Variants in PIDD1 observed in about 807,000 individuals in gnomAD.
The protein encoded by PIDD1 is p53-induced death domain protein 1.
In PIDD1, 72 loss-of-function variants were observed where a neutral mutation model predicts 80.0. The observed-to-expected ratio is 0.90, with a 90% confidence interval of 0.74 to 1.09. The LOEUF is 1.09. Among genes scored for constraint, PIDD1 ranks in the 50% least tolerant of loss-of-function variants. The probability of loss-of-function intolerance (pLI) is 0.00; values close to 1 mark genes in which losing one functional copy is unlikely to be tolerated. For missense variants in PIDD1, 1,329 were observed against 1,228.3 expected (o/e 1.08, Z -1.23); for synonymous variants, 655 against 543.5 (o/e 1.21, Z -2.85).
chr11:802,482 C>G (rs903047310), intron 5 of PIDD1, 61 bp downstream of exon 5: 2 of 1,601,336 alleles, frequency 1.2e-6, no homozygotes, highest in Admixed American at 3.3e-5. Flanking sequence ...GAGAAGGTGT[C>G]GGAGGGGCCA....
At chr11:808,235 T>C (rs1415404696), upstream of PIDD1, among the ~76,000 whole-genome samples, 1 of 151,848 alleles carries the variant, frequency 6.6e-6, no homozygotes. Flanking sequence ...GAGACCAGCC[T>C]GGCCAACATG....
At position 801,348 on chromosome 11, in the gene PIDD1, G is replaced by A. The variant is rs1383161477; in HGVS notation, c.1500C>T (p.Gly500=). 2.5e-6 allele frequency: 4 copies of A among 1,609,078 alleles called. No individual in the cohort carries two copies. The highest frequency in any genetic ancestry group is 2.2e-5 in the East Asian group (1 of 44,832). The stretch of plus-strand genomic sequence containing the variant: ...CTCCCAGGAGGGCCTGCAGCTCTCG[G>A]CCAGCCATGCGCACCACCTGGGGCA... The part of the protein sequence containing the change: ...RVSMQVVRMA[G]RELQALLGEP... Residue 500 remains glycine, a synonymous_variant, in exon 9 of 16, where the codon GGC becomes GGT. Coordinates refer to ENST00000347755, the MANE Select transcript of PIDD1 (RefSeq NM_145886.4).
Position 802,191 on chromosome 11 carries a change from A to G in PIDD1, c.1176+4T>C, listed in dbSNP as rs766732950. The G allele has an allele frequency of 5.6e-6, 9 of 1,599,764 alleles. No individual in the cohort carries two copies. Among genetic ancestry groups the G allele is most frequent in the South Asian group, 1.1e-5 (1 of 89,812 alleles). ...ACACTGCCCCCGCCACGCCCTGTCCATGCCTGCTGGAAGGCCACCCCATGG... is the reference window on the plus strand; with the variant it reads ...ACACTGCCCCCGCCACGCCCTGTCCGTGCCTGCTGGAAGGCCACCCCATGG... On this transcript the variant is annotated splice_donor_region_variant and intron_variant, in intron 6 of 15. Transcript: ENST00000347755.
intron 8 of PIDD1, 38 bp from the exon 9 acceptor site, chr11:801,403 C>A (rs1383504697): frequency 6.3e-7 from 1 of 1,585,240 alleles, no homozygotes; most frequent in Non-Finnish European, 8.6e-7. Context: ...TGCCTGTGGG[C>A]TGAGGCGCGG....
intron 4 of PIDD1, 27 bp downstream of exon 4, chr11:802,655 G>C: frequency 6.2e-7 from 1 of 1,607,218 alleles, no homozygotes; most frequent in Non-Finnish European, 8.5e-7. Context: ...CCTATCCCAG[G>C]TCTGCCCCTT....
At position 801,600 on chromosome 11, in the gene PIDD1, G is replaced by A; in HGVS notation, c.1327C>T (p.Pro443Ser). 1.3e-6 allele frequency: 2 copies of A among 1,562,572 alleles called. No individual in the cohort carries two copies. The highest frequency in any genetic ancestry group is 1.7e-6 in the Non-Finnish European group (2 of 1,154,026). Residue 443 changes from proline (P) to serine (S), a missense_variant, in exon 8 of 16, where the codon CCC (proline) becomes TCC (serine). Physicochemically the swap from Pro to Ser is moderately conservative, Grantham distance 74. Coordinates refer to ENST00000347755, the MANE Select transcript of PIDD1 (RefSeq NM_145886.4). ...ACCACAAGGAACCAGGAGAAGTGGG[G>A]CACCTGGCAGTGAGCCCAGAGCCGC... ...PQRLWAHCQVPHFSWFLVVSR... is the reference protein window; with the variant it reads ...PQRLWAHCQVSHFSWFLVVSR...
At chr11:805,788 G>A (rs533562993), upstream of PIDD1, 2,699 of 588,792 alleles carry the variant, frequency 4.6e-3, 7 homozygotes, top group Admixed American at 6.3e-3. Flanking sequence ...AATCGCGCAG[G>A]GGAGAAGGAG....
In PIDD1 at chr11:802,696, G is replaced by A. The variant is rs775768449; in HGVS notation, c.905C>T (p.Ala302Val). Residue 302 changes from alanine to valine, a missense_variant, in exon 4 of 16, where the codon GCC becomes GTC. Physicochemically the swap from Ala to Val is moderately conservative, Grantham distance 64. Transcript: ENST00000347755. Reference sequence around the variant, plus strand: ...ACCAAGCCTACCTGGTGAACTCGGGGCGTCTGGCGAGGCCTCACCCAGGGG... The same window carrying A: ...ACCAAGCCTACCTGGTGAACTCGGGACGTCTGGCGAGGCCTCACCCAGGGG... ...GNPLGEASPD[A>V]PSSPVAALIP... 5.0e-6 allele frequency: 8 copies of A among 1,610,782 alleles called. No individual in the cohort carries two copies. The highest frequency in any genetic ancestry group is 5.9e-6 in the Non-Finnish European group (7 of 1,178,660).
chr11:801,345 T>C lies in PIDD1; in HGVS notation c.1503A>G (p.Arg501=). Residue 501 remains arginine, a synonymous_variant, in exon 9 of 16, where the codon CGA becomes CGG. Transcript: ENST00000347755. ...GTTCTCCCAGGAGGGCCTGCAGCTC[T>C]CGGCCAGCCATGCGCACCACCTGGG... ...VSMQVVRMAG[R]ELQALLGEPE... The C allele has an allele frequency of 6.2e-7, 1 of 1,609,368 alleles. No homozygotes were observed. The highest frequency in any genetic ancestry group is 1.1e-5 in the South Asian group (1 of 90,708).
At chr11:803,727 A>T in intron 2 of PIDD1, 140 bp from the exon 3 acceptor site, 2 of 988,946 alleles carry the variant, frequency 2.0e-6, no homozygotes, top group Admixed American at 2.4e-5. Flanking sequence ...GGACAGACAG[A>T]CAGAAACACT....
At chr11:802,486 G>T in intron 5 of PIDD1, 57 bp downstream of exon 5, 1 of 1,602,222 alleles carries the variant, frequency 6.2e-7, no homozygotes, top group Non-Finnish European at 8.5e-7. Context: ...AGGTGTCGGA[G>T]GGGCCAGAGT....
chr11:801,928 T>A lies in PIDD1; in HGVS notation c.1302+37A>T, dbSNP rs1236860797. 7 of 1,593,488 alleles carry A rather than the reference T, an allele frequency of 4.4e-6. No homozygotes were observed. The Admixed American group carries it at 5.1e-5, about 12-fold the overall frequency. On this transcript the variant is annotated intron_variant, in intron 7 of 15. Transcript: ENST00000347755. Reference sequence around the variant, plus strand: ...GAGGTGCACGGCTCAGGGCAGCAGCTCTCCACTCGCCACCGGCAGGCCTGG... The same window carrying A: ...GAGGTGCACGGCTCAGGGCAGCAGCACTCCACTCGCCACCGGCAGGCCTGG...
rs1865453017 is a variant in PIDD1, at chr11:802,586, T to C, written c.931A>G (p.Ile311Val). 1.9e-6 allele frequency: 3 copies of C among 1,613,218 alleles called. No homozygotes were observed. The highest frequency in any genetic ancestry group is 2.5e-6 in the Non-Finnish European group (3 of 1,179,746). Residue 311 changes from isoleucine (I) to valine (V), a missense_variant, in exon 5 of 16, where the codon ATT becomes GTT. Ile to Val is a conservative substitution (Grantham distance 29). Transcript: ENST00000347755. ...AGGAACAGTCTGGGCATTTCTGGAATGAGGGCTGCCACTGTGCAGGGGACA... is the reference window on the plus strand; with the variant it reads ...AGGAACAGTCTGGGCATTTCTGGAACGAGGGCTGCCACTGTGCAGGGGACA... ...DAPSSPVAAL[I>V]PEMPRLFLTS...
rs1469716804 is a variant in PIDD1 at position 802,755 on chromosome 11, C to T, written c.846G>A (p.Leu282=). Residue 282 remains leucine, a synonymous_variant, in exon 4 of 16, where the codon CTG becomes CTA. Coordinates refer to ENST00000347755, the MANE Select transcript of PIDD1 (RefSeq NM_145886.4). ...GCAGGCGCACAAAGGGGGCGTCTAG[C>T]AGCTCAGGGGGCAGGTCCCGGAGCT... is the stretch of plus-strand genomic sequence containing the variant. ...DNQLRDLPPE[L]LDAPFVRLQG... The T allele has an allele frequency of 6.2e-7, 1 of 1,610,774 alleles. No homozygotes were observed. Among genetic ancestry groups the T allele is most frequent in the Non-Finnish European group, 8.5e-7 (1 of 1,179,108 alleles).
At chr11:805,339 G>A (rs985361305), upstream of PIDD1, 25 of 562,510 alleles carry the variant, frequency 4.4e-5, no homozygotes, top group Non-Finnish European at 5.4e-5. Flanking sequence ...CCACGGGGGA[G>A]GTCTCCCGGC....
Position 802,702 on chromosome 11 carries a change from G to A in PIDD1, c.899C>T (p.Pro300Leu), listed in dbSNP as rs1175863913. The A allele has an allele frequency of 3.7e-6, 6 of 1,611,194 alleles. No homozygotes were observed. The African/African-American group carries it at 8.0e-5, about 22-fold the overall frequency. Residue 300 changes from proline to leucine, a missense_variant, in exon 4 of 16, where the codon CCA (proline) becomes CTA (leucine). Pro to Leu is a moderately conservative substitution (Grantham distance 98, BLOSUM62 -3). Transcript: ENST00000347755. The stretch of plus-strand genomic sequence containing the variant: ...CCTACCTGGTGAACTCGGGGCGTCT[G>A]GCGAGGCCTCACCCAGGGGGTTCCC... ...LQGNPLGEAS[P>L]DAPSSPVAAL...
rs767971903 is a variant in PIDD1, at chr11:802,070, G to C, written c.1197C>G (p.Leu399=). The change falls in exon 7 of 16, where the codon CTC becomes CTG. Residue 399 remains leucine (L), a synonymous_variant. Transcript: ENST00000347755. ...AFQQDVGLWL[L]FTPPQARRCR... ...AGCGCCGGGCCTGCGGTGGGGTGAA[G>C]AGCAGCCACAGCCCCACATCCTGCC... 2 of 1,580,398 alleles carry C rather than the reference G, an allele frequency of 1.3e-6. No individual in the cohort carries two copies. The highest frequency in any genetic ancestry group is 3.7e-5 in the Admixed American group (2 of 54,478).
At chr11:804,678 C>T (rs1013455622) in intron 1 of PIDD1, 20 of 426,378 alleles carry the variant, frequency 4.7e-5, no homozygotes, top group African/African-American at 3.6e-4. Context: ...CGCAGGAGCA[C>T]CGGGCAGGGA....
At position 801,584 on chromosome 11, in the gene PIDD1, A is replaced by C. The variant is rs567985719; in HGVS notation, c.1343T>G (p.Phe448Cys). Residue 448 changes from phenylalanine (F) to cysteine (C), a missense_variant, in exon 8 of 16, where the codon TTC becomes TGC. Transcript: ENST00000347755. ...AHCQVPHFSW[F>C]LVVSRPVSNA... ...GGACACAGGGCGGGAAACCACAAGG[A>C]ACCAGGAGAAGTGGGGCACCTGGCA... 18 of 1,567,530 alleles carry C rather than the reference A, an allele frequency of 1.1e-5. No homozygotes were observed. In the African/African-American group the frequency reaches 1.8e-4, roughly 15 times the overall value.
Sources: gnomAD v4.1 joint callset for allele counts (sites outside exome capture counted in the v4.1 genomes callset) on GRCh38, gnomAD v4.1.1 for gene constraint, MANE v1.5 for transcripts, NCBI Gene and HGNC (gene_info 2026-07-23, HGNC 2026-07-21) for gene names.